Variants in DENND2B observed in about 807,000 individuals in gnomAD.
DENND2B encodes the protein DENN domain containing 2B.
In DENND2B, 32 loss-of-function variants were observed where a neutral mutation model predicts 116.0. The ratio of observed to expected loss-of-function variants is 0.28; its 90% CI spans 0.21 to 0.37. The LOEUF is 0.37. DENND2B is among the 10% of genes least tolerant of loss of function. DENND2B has a pLI of 1.00. For synonymous variants in DENND2B, 588 were observed against 583.9 expected (o/e 1.01, Z -0.10); for missense variants, 1,276 against 1,477.7 (o/e 0.86, Z 2.24).
intron 1 of DENND2B, among the ~76,000 whole-genome samples, chr11:8,900,832 A>G (rs2064158096): frequency 6.6e-6 from 1 of 151,886 alleles, no homozygotes; most frequent in Admixed American, 6.6e-5. Flanking sequence ...AGCCAGGCAT[A>G]GTGGTGGGCA....
intron 3 of DENND2B, among the ~76,000 whole-genome samples, chr11:8,846,059 CACTGCAAGTAATGGTT>C (rs2062801071): frequency 6.6e-6 from 1 of 152,162 alleles, no homozygotes; most frequent in South Asian, 2.1e-4. Flanking sequence ...CATCATTCCC[CACTGCAAGTAATGGTT>C]TCTAGATGGG....
chr11:8,733,433 C>T (rs544884813), intron 2 of DENND2B, among the ~76,000 whole-genome samples: 6 of 152,192 alleles, frequency 3.9e-5, no homozygotes, highest in Non-Finnish European at 8.8e-5. Flanking sequence ...TTAGTGAGCA[C>T]CTACTCTGTG....
intron 1 of DENND2B, among the ~76,000 whole-genome samples, chr11:8,900,747 A>G (rs1194354545): frequency 2.0e-5 from 3 of 151,714 alleles, no homozygotes. Context: ...TGGGTAGATC[A>G]CCTGAGGTCA....
chr11:8,907,743 T>C lies in DENND2B; in HGVS notation c.-256+3078A>G, dbSNP rs754103849. Among the ~76,000 whole-genome samples the C allele has an allele frequency of 4.4e-4, 67 of 152,196 alleles. 1 individual carries two copies. The highest frequency in any genetic ancestry group is 1.6e-4 in the Non-Finnish European group (11 of 68,028). Reference sequence around the variant, plus strand: ...TAGGTTCTTACTCTGTTGCCCCGGCTGGAGGGCAGTGGCACGATCATAGCT... The same window carrying C: ...TAGGTTCTTACTCTGTTGCCCCGGCCGGAGGGCAGTGGCACGATCATAGCT... On this transcript the variant is annotated intron_variant, in intron 1 of 22. Transcript: ENST00000534127.
intron 18 of DENND2B, 42 bp downstream of exon 18, chr11:8,696,385 G>A: frequency 6.2e-7 from 1 of 1,608,194 alleles, no homozygotes; most frequent in Non-Finnish European, 8.5e-7. Flanking sequence ...GCCCTGCTGT[G>A]GGTGAAAAAA....
chr11:8,823,007 G>A (rs2061824287), intron 4 of DENND2B, among the ~76,000 whole-genome samples: 1 of 152,188 alleles, frequency 6.6e-6, no homozygotes, highest in Non-Finnish European at 1.5e-5. Flanking sequence ...TTTAGTTAAT[G>A]AGGTTACTAT....
chr11:8,812,995 GCTGGTC>G (rs1566005734), upstream of DENND2B, among the ~76,000 whole-genome samples: 1 of 151,274 alleles, frequency 6.6e-6, no homozygotes, highest in Non-Finnish European at 1.5e-5. Flanking sequence ...TGTTGCCCAG[GCTGGTC>G]TTGAACTCCT....
intron 4 of DENND2B, among the ~76,000 whole-genome samples, chr11:8,722,314 G>A (rs924419662): frequency 2.0e-5 from 3 of 152,146 alleles, no homozygotes; most frequent in African/African-American, 7.2e-5. Context: ...TGACAGACAG[G>A]ACTCCAGTCC....
At chr11:8,783,104 G>A (rs1428706564) in intron 1 of DENND2B, among the ~76,000 whole-genome samples, 2 of 143,760 alleles carry the variant, frequency 1.4e-5, no homozygotes, top group East Asian at 4.1e-4. Context: ...GCCCAGATTG[G>A]AGTGCAGTGG....
chr11:8,708,392 T>A (rs2042986841), intron 11 of DENND2B: 1 of 940,498 alleles, frequency 1.1e-6, no homozygotes, highest in Admixed American at 6.2e-5. Context: ...ACATTTGCTA[T>A]ACCTGACTCC....
intron 4 of DENND2B, among the ~76,000 whole-genome samples, chr11:8,817,017 G>T (rs1018959211): frequency 6.6e-6 from 1 of 151,786 alleles, no homozygotes; most frequent in Admixed American, 6.6e-5. Context: ...TTTTTTAGAA[G>T]AAAAAAAATG....
At position 8,788,128 on chromosome 11, in the gene DENND2B, G is replaced by A. The variant is rs147785436; in HGVS notation, c.-26+22389C>T. 1.4e-4 allele frequency among the ~76,000 whole-genome samples: 21 copies of A among 152,154 alleles called. No individual in the cohort carries two copies. In the East Asian group the frequency reaches 3.1e-3, roughly 22 times the overall value. On this transcript the variant is annotated intron_variant, in intron 1 of 19. Coordinates refer to ENST00000313726, the MANE Select transcript of DENND2B (RefSeq NM_213618.2). ...CTGGACCACTGCTTCACTCAGGGAC[G>A]GCCACCCCTTCTCTACTCAACCCAT...
At chr11:8,750,811 C>T (rs1009382624) in intron 1 of DENND2B, 86 bp from the exon 2 acceptor site, 11 of 1,214,454 alleles carry the variant, frequency 9.1e-6, no homozygotes, top group Middle Eastern at 2.0e-4. Context: ...TCCAAAAGTG[C>T]CAAGAGGGTG....
At chr11:8,901,562 G>A (rs1260883073) in intron 1 of DENND2B, among the ~76,000 whole-genome samples, 1 of 152,050 alleles carries the variant, frequency 6.6e-6, no homozygotes, top group Non-Finnish European at 1.5e-5. Context: ...TTAGGTTATT[G>A]ATTTGACCTA....
At chr11:8,826,906 A>AC in intron 4 of DENND2B, among the ~76,000 whole-genome samples, 1 of 152,138 alleles carries the variant, frequency 6.6e-6, no homozygotes, top group East Asian at 1.9e-4. Context: ...AATCAATTAG[A>AC]CCCCACGATT....
At chr11:8,818,520 G>A (rs2061656557) in intron 4 of DENND2B, among the ~76,000 whole-genome samples, 1 of 152,102 alleles carries the variant, frequency 6.6e-6, no homozygotes, top group South Asian at 2.1e-4. Flanking sequence ...TGTAGGAAGT[G>A]TGAGCCCAGA....
Position 8,863,257 on chromosome 11 carries a change from C to CTT in DENND2B, c.-249-5823_-249-5822dup, listed in dbSNP as rs56359289. Among the ~76,000 whole-genome samples the CTT allele has an allele frequency of 7.5e-3, 930 of 124,486 alleles. 16 individuals carry two copies. Among genetic ancestry groups the CTT allele is most frequent in the Middle Eastern group, 0.021 (5 of 242 alleles). The allele number at this position is 124,486 out of a possible 152,430, so 81.7% of individuals were successfully genotyped here. ...GCCCCATGACTCTTAACGCCACTTT[C>CTT]TTTTTTTTTTTTTTTTTGAGACCGA... On this transcript the variant is annotated intron_variant, in intron 2 of 6. Transcript: ENST00000524757.
At chr11:8,878,231 T>C (rs1290968683) in intron 2 of DENND2B, among the ~76,000 whole-genome samples, 1 of 152,100 alleles carries the variant, frequency 6.6e-6, no homozygotes, top group Non-Finnish European at 1.5e-5. Flanking sequence ...CCTCAAAAAG[T>C]TAAACATAGA....
At position 8,702,868 on chromosome 11, in the gene DENND2B, T is replaced by C; in HGVS notation, c.2572-148A>G. ...ACCCTGCTATGCAGTAAACCCCTCT[T>C]CTCCATCCCTCGGACTACAGCTCTG... On this transcript the variant is annotated intron_variant, in intron 13 of 19. Coordinates refer to ENST00000313726, the MANE Select transcript of DENND2B (RefSeq NM_213618.2). The surrounding 1 kb of genome is among the most constrained non-coding windows in gnomAD (Gnocchi z 4.6). The C allele has an allele frequency of 2.1e-6, 2 of 939,310 alleles. No individual in the cohort carries two copies. The highest frequency in any genetic ancestry group is 3.4e-5 in the South Asian group (2 of 58,388). 58.2% of individuals were successfully genotyped at this position (939,310 alleles called of 1,614,324 possible).
Sources: gnomAD v4.1 joint callset for allele counts (sites outside exome capture counted in the v4.1 genomes callset) on GRCh38, gnomAD v4.1.1 for gene constraint, Gnocchi (gnomAD v3.1) non-coding constraint, MANE v1.5 for transcripts, NCBI Gene and HGNC (gene_info 2026-07-23, HGNC 2026-07-21) for gene names.